The following BAHCC1 variants were observed in gnomAD, a reference collection of about 807,000 sequenced individuals.
BAHCC1 encodes the protein BAH and coiled-coil domain-containing protein 1.
In BAHCC1, 43 loss-of-function variants were observed where a neutral mutation model predicts 88.2. The observed-to-expected ratio is 0.49, with a 90% CI of 0.38 to 0.63. The LOEUF (loss-of-function observed/expected upper bound fraction) is 0.63, where lower values mean the gene tolerates loss of function less well. Ranked by LOEUF, BAHCC1 falls within the 20% of genes least tolerant of loss-of-function variation. The probability of loss-of-function intolerance (pLI) is 0.00; values close to 1 mark genes in which losing one functional copy is unlikely to be tolerated. For missense variants in BAHCC1, 3,023 were observed against 1,654.8 expected (o/e 1.83, Z -14.34); for synonymous variants, 1,510 against 745.5 (o/e 2.03, Z -16.71).
chr17:81,429,219 G>A (rs894176574), intron 3 of BAHCC1, among the ~76,000 whole-genome samples: 2 of 152,224 alleles, frequency 1.3e-5, no homozygotes, highest in South Asian at 2.1e-4. Context: ...TGAGCCGCCC[G>A]CCTGGGCCCC....
chr17:81,446,684 G>A, intron 10 of BAHCC1: 1 of 422,738 alleles, frequency 2.4e-6, no homozygotes, highest in Non-Finnish European at 4.8e-6. Context: ...GTGTAGCTTG[G>A]ACCACAGGCA....
chr17:81,397,255 G>C (rs935852541), intron 1 of BAHCC1: 2 of 152,230 alleles, frequency 1.3e-5, no homozygotes, highest in African/African-American at 4.8e-5. Context: ...AGTCGAGCAG[G>C]CTGGTGAGAA....
At chr17:81,429,633 G>A (rs944570204) in intron 3 of BAHCC1, among the ~76,000 whole-genome samples, 2 of 152,176 alleles carry the variant, frequency 1.3e-5, no homozygotes, top group African/African-American at 2.4e-5. Flanking sequence ...CACGCGACTC[G>A]GCCGGAGAGT....
intron 1 of BAHCC1, 92 bp downstream of exon 1, chr17:81,395,727 T>C (rs372023422): frequency 1.3e-5 from 2 of 152,258 alleles, no homozygotes; most frequent in South Asian, 2.1e-4. Flanking sequence ...TTTACATTTT[T>C]TTTAGCAAAA....
chr17:81,410,291 G>A (rs1555647646), intron 2 of BAHCC1, among the ~76,000 whole-genome samples: 1 of 152,178 alleles, frequency 6.6e-6, no homozygotes, highest in Non-Finnish European at 1.5e-5. Context: ...CCTCCCCCCT[G>A]GGCAGCAGGC....
At position 81,458,264 on chromosome 17, in the gene BAHCC1, G is replaced by A. The variant is rs1555657931; in HGVS notation, c.5141G>A (p.Arg1714Lys). The change falls in exon 18 of 28, where the codon AGG becomes AAG. Residue 1714 changes from arginine (R) to lysine (K), a missense_variant. Physicochemically the swap from Arg to Lys is conservative, Grantham distance 26. Transcript: ENST00000675386. ...ACCCTGGAGCGGGCCCCAGGGCAGA[G>A]GCCCCCAGGTGCGCTGGGCAAGAAG... Reference protein sequence around the residue: ...GTTLERAPGQRPPGALGKKKA... With the variant: ...GTTLERAPGQKPPGALGKKKA... The A allele has an allele frequency of 2.7e-6, 2 of 746,464 alleles. No individual in the cohort carries two copies. Among genetic ancestry groups the A allele is most frequent in the South Asian group, 1.4e-5 (1 of 69,738 alleles). 46.2% of individuals were successfully genotyped at this position (746,464 alleles called of 1,614,324 possible). A position where few individuals can be genotyped will look rare whatever the true frequency, so the allele number is the denominator to read the frequency against.
At chr17:81,439,340 C>T (rs2064380149) in intron 4 of BAHCC1, among the ~76,000 whole-genome samples, 1 of 152,200 alleles carries the variant, frequency 6.6e-6, no homozygotes, top group Admixed American at 6.5e-5. Context: ...GGTGTGGGGC[C>T]CCACAGGGGC....
intron 4 of BAHCC1, among the ~76,000 whole-genome samples, chr17:81,440,464 G>A (rs1446917346): frequency 1.3e-5 from 2 of 152,236 alleles, no homozygotes; most frequent in African/African-American, 4.8e-5. Context: ...AAATTGACAA[G>A]GAATTTACAT....
intron 2 of BAHCC1, chr17:81,407,441 CCT>C: frequency 3.9e-6 from 2 of 515,208 alleles, no homozygotes; most frequent in Non-Finnish European, 7.8e-6. Flanking sequence ...GCTTTCTTCC[CCT>C]GAGACTTCTG....
At position 81,423,340 on chromosome 17, in the gene BAHCC1, G is replaced by A. The variant is rs2064137537; in HGVS notation, c.179-3460G>A. On this transcript the variant is annotated intron_variant, in intron 2 of 27. Transcript: ENST00000675386. ...CAGGAGCCTGCCAGGGCCGTGCAGG[G>A]CAGCCCCCGCCGCCCCCCTTGCCCC... Among the ~76,000 whole-genome samples, 6 of 152,360 alleles carry A rather than the reference G, an allele frequency of 3.9e-5. No homozygotes were observed. The South Asian group carries it at 1.2e-3, about 32-fold the overall frequency.
At chr17:81,406,838 G>C (rs2063886567) in intron 2 of BAHCC1, 1 of 455,542 alleles carries the variant, frequency 2.2e-6, no homozygotes, top group Non-Finnish European at 4.4e-6. Context: ...CGAGCCTCGG[G>C]TCTGGTGGGG....
rs1177627565 is a variant in BAHCC1 at position 81,411,601 on chromosome 17, G to A, written c.178+11684G>A. On this transcript the variant is annotated intron_variant, in intron 2 of 27. Transcript: ENST00000675386. This position sits in a 1 kb window ranked among gnomAD's most constrained non-coding sequence, Gnocchi z 6.2. ...AGAGGCCTCTCTACCCAGCACCCAC[G>A]AAGACGGGTGAGCTGCTGGCCACCC... 1.4e-5 allele frequency: 6 copies of A among 436,928 alleles called. No individual in the cohort carries two copies. The highest frequency in any genetic ancestry group is 7.4e-5 in the East Asian group (1 of 13,472). 27.1% of individuals were successfully genotyped at this position (436,928 alleles called of 1,614,324 possible).
At chr17:81,449,898 G>A (rs376023049) in intron 11 of BAHCC1, among the ~76,000 whole-genome samples, 1 of 152,192 alleles carries the variant, frequency 6.6e-6, no homozygotes, top group South Asian at 2.1e-4. Flanking sequence ...TACTTGAGGA[G>A]GGAAGCAGCC....
chr17:81,443,421 C>G lies in BAHCC1; in HGVS notation c.2072C>G (p.Thr691Ser). 1.3e-6 allele frequency: 1 copy of G among 764,246 alleles called. No individual in the cohort carries two copies. Among genetic ancestry groups the G allele is most frequent in the South Asian group, 1.4e-5 (1 of 72,404 alleles). 47.3% of individuals were successfully genotyped at this position (764,246 alleles called of 1,614,324 possible). A position where few individuals can be genotyped will look rare whatever the true frequency, so the allele number is the denominator to read the frequency against. ...TGTGCCCGCAGCAGGGAGCACGACA[C>G]CACGCACGGCGACGGGGAGGTGCGG... ...PDCARSREHD[T>S]THGDGEVRQP... Residue 691 changes from threonine (T) to serine (S), a missense_variant, in exon 5 of 28, where the codon ACC becomes AGC. Thr to Ser is a moderately conservative substitution (Grantham distance 58). Coordinates refer to ENST00000675386, the MANE Select transcript of BAHCC1 (RefSeq NM_001377448.1).
chr17:81,399,917 G>A lies in BAHCC1; in HGVS notation c.178G>A (p.Ala60Thr). The change falls in exon 2 of 28, where the codon GCC (alanine) becomes ACC (threonine). Residue 60 changes from alanine to threonine, a missense_variant and splice_region_variant. Coordinates refer to ENST00000675386, the MANE Select transcript of BAHCC1 (RefSeq NM_001377448.1). This position sits in a 1 kb window ranked among gnomAD's most constrained non-coding sequence, Gnocchi z 4.5. Reference protein sequence around the residue: ...PSPLPMASHTASSRLMGSSPA... With the variant: ...PSPLPMASHTTSSRLMGSSPA... ...GCCGTTGCCCATGGCTTCGCACACA[G>A]GTCAGTGCTCGGCCGGGGCGGGCGC... is the stretch of plus-strand genomic sequence containing the variant. 1 of 1,427,464 alleles carries A rather than the reference G, an allele frequency of 7.0e-7. No individual in the cohort carries two copies. The highest frequency in any genetic ancestry group is 9.2e-7 in the Non-Finnish European group (1 of 1,086,622). 88.4% of individuals were successfully genotyped at this position (1,427,464 alleles called of 1,614,324 possible). A position where few individuals can be genotyped will look rare whatever the true frequency, so the allele number is the denominator to read the frequency against.
Position 81,461,824 on chromosome 17 carries a change from C to T in BAHCC1, c.7161C>T (p.Ala2387=). Residue 2387 remains alanine, a synonymous_variant, in exon 26 of 28, where the codon GCC becomes GCT. Coordinates refer to ENST00000675386, the MANE Select transcript of BAHCC1 (RefSeq NM_001377448.1). ...AGGGCAGCGGCCCTCACGCGCATGCCCAGCGCTGCTTCCTGTCCAGGGCCA... is the reference window on the plus strand; with the variant it reads ...AGGGCAGCGGCCCTCACGCGCATGCTCAGCGCTGCTTCCTGTCCAGGGCCA... ...RSKGSGPHAH[A]QRCFLSRATV... The T allele has an allele frequency of 1.4e-6, 1 of 718,338 alleles. No homozygotes were observed. Among genetic ancestry groups the T allele is most frequent in the East Asian group, 2.7e-5 (1 of 37,358 alleles). The allele number at this position is 718,338 out of a possible 1,614,324, so 44.5% of individuals were successfully genotyped here.
chr17:81,450,023 G>A (rs891176954), intron 11 of BAHCC1, among the ~76,000 whole-genome samples: 1 of 152,224 alleles, frequency 6.6e-6, no homozygotes, highest in African/African-American at 2.4e-5. Context: ...GGGTTCTCCC[G>A]CACTCCTGCT....
In BAHCC1 at chr17:81,445,601, C is replaced by T. The variant is rs1305923213; in HGVS notation, c.3083C>T (p.Pro1028Leu). The stretch of plus-strand genomic sequence containing the variant: ...GTCTGCCCTGCCAGCAGCCCCGGGC[C>T]TGGCTCCCGGGTGCGCAGCGCCGAG... Reference protein sequence around the residue: ...LNVCPASSPGPGSRVRSAEEK... With the variant: ...LNVCPASSPGLGSRVRSAEEK... Residue 1028 changes from proline (P) to leucine (L), a missense_variant, in exon 10 of 28, where the codon CCT becomes CTT. Pro to Leu is a moderately conservative substitution (Grantham distance 98). Coordinates refer to ENST00000675386, the MANE Select transcript of BAHCC1 (RefSeq NM_001377448.1). The T allele has an allele frequency of 4.1e-6, 3 of 728,540 alleles. No homozygotes were observed. Among genetic ancestry groups the T allele is most frequent in the African/African-American group, 3.5e-5 (2 of 57,746 alleles). The allele number at this position is 728,540 out of a possible 1,614,324, so 45.1% of individuals were successfully genotyped here.
At chr17:81,403,904 T>C (rs1459213279) in intron 2 of BAHCC1, among the ~76,000 whole-genome samples, 1 of 152,198 alleles carries the variant, frequency 6.6e-6, no homozygotes, top group Non-Finnish European at 1.5e-5. Context: ...CCAGTGGGGC[T>C]CGTGCTGCCA....
Sources: gnomAD v4.1 joint callset for allele counts (sites outside exome capture counted in the v4.1 genomes callset) on GRCh38, gnomAD v4.1.1 for gene constraint, Gnocchi (gnomAD v3.1) non-coding constraint, MANE v1.5 for transcripts, NCBI Gene and HGNC (gene_info 2026-07-23, HGNC 2026-07-21) for gene names.